The following MACROD2 variants were observed in gnomAD, a reference collection of about 807,000 sequenced individuals.
MACROD2 encodes mono-ADP ribosylhydrolase 2, also known as ADP-ribose glycohydrolase MACROD2.
A neutral mutation model predicts 70.4 loss-of-function variants in MACROD2; 36 were observed. The ratio of observed to expected loss-of-function variants is 0.51; its 90% CI spans 0.39 to 0.68. The LOEUF (loss-of-function observed/expected upper bound fraction) is 0.68, where lower values mean the gene tolerates loss of function less well. MACROD2 is among the 30% of genes least tolerant of loss of function. The probability of loss-of-function intolerance (pLI) is 0.00; values close to 1 mark genes in which losing one functional copy is unlikely to be tolerated. For missense variants in MACROD2, 496 were observed against 538.4 expected (o/e 0.92, Z 0.78); for synonymous variants, 172 against 178.8 (o/e 0.96, Z 0.30).
chr20:14,040,349 T>C (rs1350712602), intron 2 of MACROD2, among the ~76,000 whole-genome samples: 2 of 152,172 alleles, frequency 1.3e-5, no homozygotes, highest in Admixed American at 6.6e-5. Flanking sequence ...ATAGAAAAAG[T>C]ACAGTAAAAA....
chr20:15,510,811 G>A (rs1333056131), intron 8 of MACROD2, among the ~76,000 whole-genome samples: 1 of 152,224 alleles, frequency 6.6e-6, no homozygotes, highest in Non-Finnish European at 1.5e-5. Context: ...AGTGACAGAA[G>A]GGCTGGCTAA....
At chr20:14,202,115 A>G (rs900974969) in intron 3 of MACROD2, among the ~76,000 whole-genome samples, 5 of 152,084 alleles carry the variant, frequency 3.3e-5, no homozygotes, top group African/African-American at 7.2e-5. Context: ...TTTTACTACT[A>G]ATTATTTGAT....
chr20:15,833,181 C>T (rs1429347809), intron 8 of MACROD2, among the ~76,000 whole-genome samples: 1 of 152,170 alleles, frequency 6.6e-6, no homozygotes, highest in Non-Finnish European at 1.5e-5. Flanking sequence ...ACAACTATTT[C>T]CAGCATTCAT....
Position 16,003,958 on chromosome 20 carries a change from C to T in MACROD2, c.1153+16800C>T, listed in dbSNP as rs1369736338. On this transcript the variant is annotated intron_variant, in intron 15 of 17. Coordinates refer to ENST00000684519, the MANE Select transcript of MACROD2 (RefSeq NM_001351661.2). ...TGCTGGGATTACGGGCTTGAGCCAC[C>T]GTGCCCGGCCAAAATTTTGCATTTT... Among the ~76,000 whole-genome samples, 7 of 152,158 alleles carry T rather than the reference C, an allele frequency of 4.6e-5. No homozygotes were observed. The East Asian group carries it at 5.8e-4, about 13-fold the overall frequency.
At chr20:14,798,286 T>G (rs1051771227) in intron 5 of MACROD2, among the ~76,000 whole-genome samples, 1 of 152,072 alleles carries the variant, frequency 6.6e-6, no homozygotes, top group Non-Finnish European at 1.5e-5. Flanking sequence ...AAATTTAACT[T>G]TACTATAAAT....
At position 14,958,606 on chromosome 20, in the gene MACROD2, C is replaced by T. The variant is rs576825879; in HGVS notation, c.419-271334C>T. Among the ~76,000 whole-genome samples, 31 of 152,280 alleles carry T rather than the reference C, an allele frequency of 2.0e-4. No individual in the cohort carries two copies. In the East Asian group the frequency reaches 4.2e-3, roughly 21 times the overall value. ...CTTCTGGAAGATCCGCTGATTAGCC[C>T]GGTTCTACTCTTGCATGTTCCCCAT... On this transcript the variant is annotated intron_variant, in intron 5 of 17. Transcript: ENST00000684519.
intron 2 of MACROD2, among the ~76,000 whole-genome samples, chr20:14,046,802 G>T (rs552772501): frequency 6.6e-6 from 1 of 151,332 alleles, no homozygotes; most frequent in Non-Finnish European, 1.5e-5. Context: ...TTATTGATGG[G>T]TTACAAACTG....
intron 3 of MACROD2, among the ~76,000 whole-genome samples, chr20:14,137,218 C>A (rs893987369): frequency 6.7e-6 from 1 of 148,680 alleles, no homozygotes; most frequent in East Asian, 2.0e-4. Flanking sequence ...ATAACATAAA[C>A]AGTTGATTAA....
intron 8 of MACROD2, among the ~76,000 whole-genome samples, chr20:15,670,390 C>A (rs568485523): frequency 6.6e-6 from 1 of 152,164 alleles, no homozygotes; most frequent in African/African-American, 2.4e-5. Flanking sequence ...CAGTCTCCGT[C>A]CTGATGCAAC....
chr20:14,851,819 C>G (rs1362723109), intron 5 of MACROD2, among the ~76,000 whole-genome samples: 2 of 152,126 alleles, frequency 1.3e-5, no homozygotes, highest in African/African-American at 2.4e-5. Flanking sequence ...GAAAACAAAA[C>G]AGTGTCATAA....
chr20:14,364,595 C>T (rs1392568503), intron 3 of MACROD2, among the ~76,000 whole-genome samples: 1 of 152,182 alleles, frequency 6.6e-6, no homozygotes, highest in African/African-American at 2.4e-5. Flanking sequence ...CAGTTACTCC[C>T]TATTTTCCCT....
At chr20:14,011,466 C>G (rs982198472) in intron 2 of MACROD2, among the ~76,000 whole-genome samples, 2 of 151,962 alleles carry the variant, frequency 1.3e-5, no homozygotes, top group African/African-American at 4.8e-5. Context: ...ATTTCCCCCC[C>G]TTCAGAATAG....
chr20:15,600,798 G>T (rs567386059), intron 8 of MACROD2, among the ~76,000 whole-genome samples: 95 of 152,260 alleles, frequency 6.2e-4, no homozygotes, highest in African/African-American at 2.2e-3. Flanking sequence ...AAAATGCAGT[G>T]GCAGAGAAGA....
intron 3 of MACROD2, among the ~76,000 whole-genome samples, chr20:14,447,860 T>C (rs1489204864): frequency 6.6e-6 from 1 of 151,536 alleles, no homozygotes; most frequent in East Asian, 2.0e-4. Context: ...TAATGGAAGA[T>C]GGGAAAACTA....
At chr20:15,892,531 G>A (rs534990748) in intron 10 of MACROD2, among the ~76,000 whole-genome samples, 62 of 152,270 alleles carry the variant, frequency 4.1e-4, no homozygotes, top group African/African-American at 1.2e-3. Flanking sequence ...CTAGCCCTGC[G>A]TTCAGGACTG....
chr20:14,175,472 C>T (rs2081256117), intron 3 of MACROD2, among the ~76,000 whole-genome samples: 1 of 152,020 alleles, frequency 6.6e-6, no homozygotes, highest in African/African-American at 2.4e-5. Context: ...TTCTGTGATC[C>T]TATGATTAGG....
intron 3 of MACROD2, among the ~76,000 whole-genome samples, chr20:14,416,684 T>C (rs2083808979): frequency 1.3e-5 from 2 of 152,320 alleles, no homozygotes; most frequent in South Asian, 2.1e-4. Flanking sequence ...CATGTTTCAA[T>C]AGATATTGAT....
chr20:15,540,512 C>T (rs2047941155), intron 8 of MACROD2, among the ~76,000 whole-genome samples: 1 of 152,138 alleles, frequency 6.6e-6, no homozygotes, highest in Non-Finnish European at 1.5e-5. Flanking sequence ...AATGTGGAAG[C>T]AGGGGAACCA....
At chr20:14,492,913 TAATA>T (rs1375554922) in intron 3 of MACROD2, among the ~76,000 whole-genome samples, 2 of 152,230 alleles carry the variant, frequency 1.3e-5, no homozygotes, top group Non-Finnish European at 2.9e-5. Flanking sequence ...TGTGCGGGGT[TAATA>T]AATAAATAGG....
Sources: gnomAD v4.1 joint callset for allele counts (sites outside exome capture counted in the v4.1 genomes callset) on GRCh38, gnomAD v4.1.1 for gene constraint, MANE v1.5 for transcripts, NCBI Gene and HGNC (gene_info 2026-07-23, HGNC 2026-07-21) for gene names.